PTPRD: variants seen among roughly 807,000 people sequenced by gnomAD.
The protein encoded by PTPRD is protein tyrosine phosphatase receptor type D.
Under a neutral mutation model 214.5 loss-of-function variants are expected in PTPRD, and 34 were observed. That is an observed-to-expected ratio of 0.16 (90% CI 0.12 to 0.21). The LOEUF (loss-of-function observed/expected upper bound fraction) is 0.21, where lower values mean the gene tolerates loss of function less well. PTPRD is among the 10% of genes least tolerant of loss of function. The pLI is 1.00. For synonymous variants in PTPRD, 1,128 were observed against 845.7 expected (o/e 1.33, Z -5.79); for missense variants, 2,545 against 2,398.7 (o/e 1.06, Z -1.27).
intron 5 of PTPRD, among the ~76,000 whole-genome samples, chr9:9,913,647 C>T (rs2079858637): frequency 6.6e-6 from 1 of 152,246 alleles, no homozygotes; most frequent in South Asian, 2.1e-4. Context: ...GGAGGGACTT[C>T]CTATTGCCAG....
rs143645917 is a variant in PTPRD at position 9,571,564 on chromosome 9, C to G, written c.-237+3168G>C. 6.4e-4 allele frequency among the ~76,000 whole-genome samples: 97 copies of G among 151,208 alleles called. No homozygotes were observed. The East Asian group carries it at 0.018, about 29-fold the overall frequency. ...TGCTGTAGAACATTCATATTGCATA[C>G]TTTTGGTTCCCTTAATAATATCATA... On this transcript the variant is annotated intron_variant, in intron 8 of 45. Coordinates refer to ENST00000381196, the MANE Select transcript of PTPRD (RefSeq NM_002839.4).
intron 5 of PTPRD, among the ~76,000 whole-genome samples, chr9:9,847,850 C>G (rs1599646412): frequency 6.6e-6 from 1 of 152,060 alleles, no homozygotes; most frequent in African/African-American, 2.4e-5. Flanking sequence ...TGCCTTTCCA[C>G]TGATCCAGCT....
intron 2 of PTPRD, among the ~76,000 whole-genome samples, chr9:10,576,172 G>A (rs2069246117): frequency 6.6e-6 from 1 of 152,048 alleles, no homozygotes; most frequent in Admixed American, 6.6e-5. Flanking sequence ...TTGCCTAAAG[G>A]CTATCAGTAA....
chr9:9,982,602 A>G (rs1017193706), intron 4 of PTPRD, among the ~76,000 whole-genome samples: 1 of 151,962 alleles, frequency 6.6e-6, no homozygotes, highest in Non-Finnish European at 1.5e-5. Context: ...TTCTTCCCTC[A>G]GGATAAGAAT....
At chr9:8,487,137 T>C (rs1237325303) in intron 27 of PTPRD, among the ~76,000 whole-genome samples, 1 of 152,216 alleles carries the variant, frequency 6.6e-6, no homozygotes, top group African/African-American at 2.4e-5. Flanking sequence ...TATATTGTTC[T>C]TATGAATAAT....
intron 5 of PTPRD, among the ~76,000 whole-genome samples, chr9:9,927,456 A>G (rs572334115): frequency 1.3e-5 from 2 of 152,180 alleles, no homozygotes; most frequent in African/African-American, 4.8e-5. Context: ...CATCTGCCCT[A>G]TTGGATTTAT....
chr9:10,116,288 T>C (rs151216182), intron 3 of PTPRD, among the ~76,000 whole-genome samples: 6 of 152,260 alleles, frequency 3.9e-5, no homozygotes, highest in African/African-American at 1.4e-4. Context: ...TATGCTTCTA[T>C]TGCTGACTAA....
At chr9:10,364,014 T>TTTTTTTTTTTTTG (rs2097457981) in intron 2 of PTPRD, among the ~76,000 whole-genome samples, 1 of 141,808 alleles carries the variant, frequency 7.1e-6, no homozygotes, top group African/African-American at 2.7e-5. Flanking sequence ...TTTTTTTTTT[T>TTTTTTTTTTTTTG]TTTGAGATGG....
chr9:8,544,496 A>G (rs2079415393), intron 14 of PTPRD, among the ~76,000 whole-genome samples: 1 of 138,394 alleles, frequency 7.2e-6, no homozygotes, highest in African/African-American at 2.7e-5. Flanking sequence ...TTTGAGACAG[A>G]GTCTCATCTG....
At chr9:10,233,152 T>G (rs555297418) in intron 3 of PTPRD, among the ~76,000 whole-genome samples, 1 of 152,050 alleles carries the variant, frequency 6.6e-6, no homozygotes. Context: ...AAATAAATAG[T>G]GTGGCTACTG....
intron 14 of PTPRD, among the ~76,000 whole-genome samples, chr9:8,535,869 C>T (rs973996840): frequency 7.2e-5 from 11 of 151,892 alleles, no homozygotes; most frequent in Admixed American, 1.3e-4. Context: ...GGAAATCTCT[C>T]GATGAGATTT....
chr9:10,314,086 A>G (rs551907194), intron 3 of PTPRD, among the ~76,000 whole-genome samples: 40 of 152,096 alleles, frequency 2.6e-4, no homozygotes, highest in Non-Finnish European at 3.8e-4. Flanking sequence ...AGCCTAATAA[A>G]TGTGAATTTT....
intron 4 of PTPRD, among the ~76,000 whole-genome samples, chr9:9,945,383 A>C (rs1355866056): frequency 2.0e-5 from 3 of 152,138 alleles, no homozygotes; most frequent in African/African-American, 7.2e-5. Context: ...ATTTAAAAGA[A>C]AAGAAGACTA....
At chr9:9,109,052 A>G (rs1256364220) in intron 10 of PTPRD, among the ~76,000 whole-genome samples, 1 of 152,170 alleles carries the variant, frequency 6.6e-6, no homozygotes, top group East Asian at 1.9e-4. Flanking sequence ...AAGAATAAAT[A>G]AAATGATATG....
chr9:9,270,861 C>T (rs1245750582), intron 9 of PTPRD, among the ~76,000 whole-genome samples: 1 of 151,316 alleles, frequency 6.6e-6, no homozygotes, highest in East Asian at 2.0e-4. Flanking sequence ...CAATAGAACT[C>T]ATTAATGGAA....
intron 10 of PTPRD, among the ~76,000 whole-genome samples, chr9:9,019,301 A>AAAGAAAGAAAGAAAGAAAGAAAGAAAGG (rs2099551288): frequency 7.1e-5 from 5 of 70,684 alleles, no homozygotes; most frequent in African/African-American, 2.3e-4. Flanking sequence ...AGAAAGAAAG[A>AAAGAAAGAAAGAAAGAAAGAAAGAAAGG]AAGAAAGAAA....
intron 11 of PTPRD, among the ~76,000 whole-genome samples, chr9:8,863,278 G>A (rs2154546113): frequency 6.6e-6 from 1 of 152,188 alleles, no homozygotes; most frequent in East Asian, 1.9e-4. Context: ...GGAGATCACA[G>A]CATGCGACTG....
chr9:10,407,640 T>G (rs2098385428), intron 2 of PTPRD, among the ~76,000 whole-genome samples: 1 of 151,578 alleles, frequency 6.6e-6, no homozygotes, highest in African/African-American at 2.4e-5. Flanking sequence ...AATACTCTTC[T>G]GTTTAGTGAA....
intron 5 of PTPRD, among the ~76,000 whole-genome samples, chr9:9,867,313 C>A (rs970650488): frequency 8.5e-5 from 13 of 152,098 alleles, no homozygotes; most frequent in African/African-American, 3.1e-4. Context: ...ATAATGAAAT[C>A]ATTATACCCA....
Sources: gnomAD v4.1 joint callset for allele counts (sites outside exome capture counted in the v4.1 genomes callset) on GRCh38, gnomAD v4.1.1 for gene constraint, MANE v1.5 for transcripts, NCBI Gene and HGNC (gene_info 2026-07-23, HGNC 2026-07-21) for gene names.